Variants in CCDC85A observed in about 807,000 individuals in gnomAD.
The protein encoded by CCDC85A is coiled-coil domain-containing protein 85A.
In CCDC85A, 38 loss-of-function variants were observed where a neutral mutation model predicts 50.2. The ratio of observed to expected loss-of-function variants is 0.76; its 90% CI spans 0.58 to 0.99. The LOEUF (loss-of-function observed/expected upper bound fraction) is 0.99, where lower values mean the gene tolerates loss of function less well. Among genes scored for constraint, CCDC85A ranks in the 50% least tolerant of loss-of-function variants. CCDC85A has a pLI of 0.00. For missense variants in CCDC85A, 820 were observed against 742.0 expected (o/e 1.11, Z -1.22); for synonymous variants, 366 against 301.4 (o/e 1.21, Z -2.22).
chr2:56,372,628 G>A lies in CCDC85A; in HGVS notation c.1452+150G>A, dbSNP rs181499258. ...CTAAGTCTGGGGAGGGAGGATGGGA[G>A]TAGAATTTTTCACCTCCTAAACAGT... On this transcript the variant is annotated intron_variant, in intron 4 of 5. Transcript: ENST00000407595. The A allele has an allele frequency of 4.1e-6, 4 of 965,618 alleles. No homozygotes were observed. In the Admixed American group the frequency reaches 1.2e-4, roughly 28 times the overall value. 59.8% of individuals were successfully genotyped at this position (965,618 alleles called of 1,614,324 possible).
chr2:56,361,662 A>G (rs1215591934), intron 3 of CCDC85A, among the ~76,000 whole-genome samples: 1 of 152,196 alleles, frequency 6.6e-6, no homozygotes, highest in Non-Finnish European at 1.5e-5. Flanking sequence ...AAGAGGAACA[A>G]TGCCAATGTG....
intron 2 of CCDC85A, among the ~76,000 whole-genome samples, chr2:56,341,434 A>T (rs955125827): frequency 4.6e-5 from 7 of 152,132 alleles, no homozygotes; most frequent in African/African-American, 1.7e-4. Flanking sequence ...TGCCTTGCTC[A>T]TGTTTGACTA....
At chr2:56,359,843 G>C (rs957566769) in intron 3 of CCDC85A, among the ~76,000 whole-genome samples, 1 of 152,206 alleles carries the variant, frequency 6.6e-6, no homozygotes, top group African/African-American at 2.4e-5. Context: ...ATGTGTTCTT[G>C]TAAAGGAAAG....
intron 2 of CCDC85A, among the ~76,000 whole-genome samples, chr2:56,286,808 G>A (rs540548365): frequency 6.6e-6 from 1 of 152,234 alleles, no homozygotes; most frequent in African/African-American, 2.4e-5. Flanking sequence ...GATAATTCCT[G>A]GTAGGGAATC....
intron 3 of CCDC85A, among the ~76,000 whole-genome samples, chr2:56,352,633 A>C (rs1318386972): frequency 6.6e-6 from 1 of 152,250 alleles, no homozygotes; most frequent in Non-Finnish European, 1.5e-5. Flanking sequence ...GGTGTGAGCC[A>C]CTGCCCCTGG....
chr2:56,235,948 G>T (rs1320782709), intron 2 of CCDC85A, among the ~76,000 whole-genome samples: 1 of 152,070 alleles, frequency 6.6e-6, no homozygotes, highest in Non-Finnish European at 1.5e-5. Flanking sequence ...CAAAAAGGGG[G>T]TACATTCCTG....
intron 2 of CCDC85A, among the ~76,000 whole-genome samples, chr2:56,252,678 G>A (rs1669816742): frequency 1.3e-5 from 2 of 152,096 alleles, no homozygotes; most frequent in South Asian, 2.1e-4. Context: ...TTCTCCTAAT[G>A]TTATCCCTCC....
Position 56,385,316 on chromosome 2 carries a change from A to T in CCDC85A, c.*961A>T, listed in dbSNP as rs1676774704. On this transcript the variant is annotated 3_prime_UTR_variant, in exon 6 of 6. Coordinates refer to ENST00000407595, the MANE Select transcript of CCDC85A (RefSeq NM_001080433.2). Reference sequence around the variant, plus strand: ...AAAGCTTTCTTTGCCTACTGCAGCTATCTAACATTTTATGAAACTGACGCA... The same window carrying T: ...AAAGCTTTCTTTGCCTACTGCAGCTTTCTAACATTTTATGAAACTGACGCA... The T allele has an allele frequency of 6.6e-6, 1 of 152,308 alleles. No homozygotes were observed. The highest frequency in any genetic ancestry group is 2.4e-5 in the African/African-American group (1 of 41,414). 9.4% of individuals were successfully genotyped at this position (152,308 alleles called of 1,614,324 possible).
At chr2:56,247,672 G>A (rs1669572782) in intron 2 of CCDC85A, among the ~76,000 whole-genome samples, 1 of 152,060 alleles carries the variant, frequency 6.6e-6, no homozygotes, top group Non-Finnish European at 1.5e-5. Flanking sequence ...AATGTGAAAT[G>A]GAAAAGACTA....
At chr2:56,271,428 GGGGGACATT>G (rs1402686472) in intron 2 of CCDC85A, among the ~76,000 whole-genome samples, 1 of 152,134 alleles carries the variant, frequency 6.6e-6, no homozygotes, top group Admixed American at 6.5e-5. Context: ...AACTGGAGGT[GGGGGACATT>G]GTGTGTGAGC....
At chr2:56,305,259 G>A (rs1317954695) in intron 2 of CCDC85A, among the ~76,000 whole-genome samples, 1 of 152,134 alleles carries the variant, frequency 6.6e-6, no homozygotes, top group Non-Finnish European at 1.5e-5. Context: ...AATGGCTAGT[G>A]TTTACTGAAC....
intron 2 of CCDC85A, among the ~76,000 whole-genome samples, chr2:56,319,113 C>T (rs1040596669): frequency 2.0e-5 from 3 of 152,048 alleles, no homozygotes; most frequent in African/African-American, 7.2e-5. Context: ...CTGTAGTTAG[C>T]ACTAGAATGG....
At position 56,275,416 on chromosome 2, in the gene CCDC85A, C is replaced by A. The variant is rs117164251; in HGVS notation, c.1241-67463C>A. On this transcript the variant is annotated intron_variant, in intron 2 of 5. Transcript: ENST00000407595. ...AGAATTGTTTCACTATGAAATAGAT[C>A]ATCACTGCTATAGGTGCCATTTAAA... 1.4e-4 allele frequency among the ~76,000 whole-genome samples: 21 copies of A among 152,136 alleles called. No homozygotes were observed. In the East Asian group the frequency reaches 2.3e-3, roughly 17 times the overall value.
chr2:56,299,719 G>A (rs1672115367), intron 2 of CCDC85A, among the ~76,000 whole-genome samples: 1 of 152,012 alleles, frequency 6.6e-6, no homozygotes, highest in Admixed American at 6.6e-5. Context: ...AAGAAACCGG[G>A]TAAAGTAAGG....
rs956883190 is a variant in CCDC85A at position 56,384,331 on chromosome 2, A to G, written c.1638A>G (p.Gly546=). 6.2e-7 allele frequency: 1 copy of G among 1,611,314 alleles called. No homozygotes were observed. The highest frequency in any genetic ancestry group is 1.3e-5 in the African/African-American group (1 of 74,730). The part of the protein sequence containing the change: ...SCPGIRQHLS[G]NQYKGPM ...CTGGAATTAGGCAACATTTGTCAGG[A>G]AACCAGTACAAAGGACCAATGTGAG... Residue 546 remains glycine (G), a synonymous_variant, in exon 6 of 6, where the codon GGA becomes GGG. Transcript: ENST00000407595.
intron 2 of CCDC85A, among the ~76,000 whole-genome samples, chr2:56,215,322 T>C (rs1005751564): frequency 1.3e-5 from 2 of 152,046 alleles, no homozygotes; most frequent in African/African-American, 4.8e-5. Context: ...ACATAGGTAG[T>C]CACAGCATCT....
chr2:56,183,879 C>T (rs1325937270), upstream of CCDC85A: 2 of 985,260 alleles, frequency 2.0e-6, no homozygotes, highest in Non-Finnish European at 2.4e-6. Context: ...ACCTCGAGGG[C>T]CCGGGCAGCG....
At chr2:56,383,832 C>A in intron 5 of CCDC85A, 1 of 842,144 alleles carries the variant, frequency 1.2e-6, no homozygotes, top group Non-Finnish European at 1.4e-6. Context: ...ATGATCTTGC[C>A]AAGGTGTTCT....
chr2:56,302,530 A>G (rs1677894864), intron 2 of CCDC85A, among the ~76,000 whole-genome samples: 1 of 152,220 alleles, frequency 6.6e-6, no homozygotes, highest in Non-Finnish European at 1.5e-5. Context: ...AGAATTTTGG[A>G]ACAGAAAAAT....
Sources: gnomAD v4.1 joint callset for allele counts (sites outside exome capture counted in the v4.1 genomes callset) on GRCh38, gnomAD v4.1.1 for gene constraint, MANE v1.5 for transcripts, NCBI Gene and HGNC (gene_info 2026-07-23, HGNC 2026-07-21) for gene names.